Variants in ATXN7L1 observed in about 807,000 individuals in gnomAD.
ATXN7L1 encodes the protein ataxin-7-like protein 1.
In ATXN7L1, 15 loss-of-function variants were observed where a neutral mutation model predicts 70.8. The observed-to-expected ratio is 0.21, with a 90% CI of 0.14 to 0.33. ATXN7L1 has a LOEUF of 0.33. Ranked by LOEUF, ATXN7L1 falls within the 10% of genes least tolerant of loss-of-function variation. The probability of loss-of-function intolerance (pLI) is 1.00; values close to 1 mark genes in which losing one functional copy is unlikely to be tolerated. For synonymous variants in ATXN7L1, 440 were observed against 445.1 expected, an observed-to-expected ratio of 0.99 and a Z score of 0.14; for missense variants, 975 against 1,097.1, an observed-to-expected ratio of 0.89 and a Z score of 1.57.
chr7:105,797,782 C>T (rs540400569), intron 2 of ATXN7L1, among the ~76,000 whole-genome samples: 15 of 152,362 alleles, frequency 9.8e-5, no homozygotes, highest in Admixed American at 2.0e-4. Context: ...CGCCCTCACT[C>T]GGCAAAGCCC....
chr7:105,799,756 A>G (rs1806538326), intron 2 of ATXN7L1, among the ~76,000 whole-genome samples: 1 of 152,170 alleles, frequency 6.6e-6, no homozygotes, highest in Non-Finnish European at 1.5e-5. Flanking sequence ...GCCAGAAAAC[A>G]GTGGAAAGGA....
intron 3 of ATXN7L1, among the ~76,000 whole-genome samples, chr7:105,766,414 G>A (rs999959401): frequency 1.3e-5 from 2 of 152,128 alleles, no homozygotes; most frequent in Non-Finnish European, 2.9e-5. Context: ...AGGGATGCTT[G>A]TTGGTTTGTG....
chr7:105,646,178 T>C (rs1179487447), intron 4 of ATXN7L1, among the ~76,000 whole-genome samples: 1 of 151,922 alleles, frequency 6.6e-6, no homozygotes, highest in African/African-American at 2.4e-5. Flanking sequence ...CCAGGCATGG[T>C]GGCATGTGCC....
chr7:105,648,988 G>A (rs1043687198), intron 4 of ATXN7L1, among the ~76,000 whole-genome samples: 4 of 148,392 alleles, frequency 2.7e-5, no homozygotes, highest in Non-Finnish European at 2.9e-5. Context: ...GGGTGACTCA[G>A]CAATTTATTA....
At chr7:105,765,502 A>G (rs1316804089) in intron 3 of ATXN7L1, among the ~76,000 whole-genome samples, 4 of 152,140 alleles carry the variant, frequency 2.6e-5, no homozygotes, top group Non-Finnish European at 5.9e-5. Context: ...AGAGGCAGAA[A>G]CAGGAACCCA....
chr7:105,813,335 A>AT (rs3036751), intron 2 of ATXN7L1, among the ~76,000 whole-genome samples: 56,944 of 128,840 alleles, frequency 0.44, 13,141 homozygotes, highest in South Asian at 0.57. Context: ...ACAATCTACA[A>AT]TTTTTTTTTT....
intron 3 of ATXN7L1, among the ~76,000 whole-genome samples, chr7:105,724,708 G>A (rs1237837297): frequency 6.6e-6 from 1 of 151,884 alleles, no homozygotes; most frequent in Non-Finnish European, 1.5e-5. Flanking sequence ...GTTGTCACCA[G>A]TGATCTTCAC....
chr7:105,727,093 GA>G (rs1795901689), intron 3 of ATXN7L1, among the ~76,000 whole-genome samples: 1 of 152,166 alleles, frequency 6.6e-6, no homozygotes, highest in African/African-American at 2.4e-5. Flanking sequence ...TAAGGAACAA[GA>G]TTTTTTTTCC....
intron 3 of ATXN7L1, chr7:105,787,985 G>C (rs965484635): frequency 6.6e-6 from 1 of 152,228 alleles, no homozygotes; most frequent in Non-Finnish European, 1.5e-5. Context: ...GGGCAGCCAC[G>C]TGGACTTTAT....
intron 3 of ATXN7L1, among the ~76,000 whole-genome samples, chr7:105,763,409 C>A (rs951994420): frequency 6.6e-6 from 1 of 152,206 alleles, no homozygotes; most frequent in South Asian, 2.1e-4. Context: ...CTCTTGCCTG[C>A]CATCCAGAGT....
At chr7:105,840,817 C>T (rs1813097710) in intron 2 of ATXN7L1, among the ~76,000 whole-genome samples, 1 of 152,220 alleles carries the variant, frequency 6.6e-6, no homozygotes, top group Non-Finnish European at 1.5e-5. Context: ...TTTACCTGCC[C>T]CAGCTGGTGT....
intron 3 of ATXN7L1, among the ~76,000 whole-genome samples, chr7:105,737,844 T>C (rs1797576166): frequency 6.6e-6 from 1 of 152,148 alleles, no homozygotes; most frequent in African/African-American, 2.4e-5. Context: ...ATTTTGTGGC[T>C]GGAAGGTGAC....
chr7:105,770,952 A>G (rs1290615854), intron 3 of ATXN7L1, among the ~76,000 whole-genome samples: 1 of 152,096 alleles, frequency 6.6e-6, no homozygotes, highest in Non-Finnish European at 1.5e-5. Flanking sequence ...CTGTAATCCC[A>G]GAACTTTGGG....
chr7:105,761,532 T>C (rs954473646), intron 3 of ATXN7L1: 194 of 1,578,474 alleles, frequency 1.2e-4, no homozygotes, highest in Admixed American at 1.6e-4. Flanking sequence ...GAAATTATAT[T>C]TGTAAATGAT....
intron 2 of ATXN7L1, among the ~76,000 whole-genome samples, chr7:105,801,115 G>A (rs1034844726): frequency 2.0e-5 from 3 of 152,170 alleles, no homozygotes; most frequent in Non-Finnish European, 4.4e-5. Flanking sequence ...CATGTCTGAT[G>A]TCTGATACTT....
At position 105,783,311 on chromosome 7, in the gene ATXN7L1, C is replaced by T. The variant is rs141914145; in HGVS notation, c.355+5293G>A. Among the ~76,000 whole-genome samples, 599 of 152,320 alleles carry T rather than the reference C, an allele frequency of 3.9e-3. 5 individuals are homozygous for T. Among genetic ancestry groups the T allele is most frequent in the African/African-American group, 0.013 (542 of 41,576 alleles). On this transcript the variant is annotated intron_variant, in intron 3 of 11. Coordinates refer to ENST00000419735, the MANE Select transcript of ATXN7L1 (RefSeq NM_020725.2). Reference sequence around the variant, plus strand: ...AGTTTCTGGCACAGAGCTCCTAAAACCCTTGTAACTTCCTGAGTGACAGGG... The same window carrying T: ...AGTTTCTGGCACAGAGCTCCTAAAATCCTTGTAACTTCCTGAGTGACAGGG...
intron 3 of ATXN7L1, among the ~76,000 whole-genome samples, chr7:105,698,187 GC>G (rs1791990655): frequency 5.3e-5 from 8 of 152,058 alleles, no homozygotes; most frequent in Non-Finnish European, 1.2e-4. Context: ...AGCTCAACAC[GC>G]CTCACTTGTG....
chr7:105,750,520 T>C (rs2116384815), intron 3 of ATXN7L1, among the ~76,000 whole-genome samples: 1 of 151,996 alleles, frequency 6.6e-6, no homozygotes. Context: ...CCTCTCAAAG[T>C]GTTGGGATTA....
intron 2 of ATXN7L1, among the ~76,000 whole-genome samples, chr7:105,823,639 T>A: frequency 6.6e-6 from 1 of 152,226 alleles, no homozygotes; most frequent in East Asian, 1.9e-4. Context: ...TGGTTACTCC[T>A]CAATTTTATC....
Sources: allele counts gnomAD v4.1 joint callset (sites outside exome capture counted in the v4.1 genomes callset), GRCh38; gene constraint gnomAD v4.1.1; transcripts MANE v1.5; gene names NCBI Gene and HGNC (gene_info 2026-07-23, HGNC 2026-07-21).